The following ATF7IP2 variants were observed in gnomAD, a reference collection of about 807,000 sequenced individuals.
The protein encoded by ATF7IP2 is activating transcription factor 7-interacting protein 2.
Under a neutral mutation model 64.2 loss-of-function variants are expected in ATF7IP2, and 42 were observed. The observed-to-expected ratio is 0.65, with a 90% confidence interval of 0.51 to 0.85. The LOEUF (loss-of-function observed/expected upper bound fraction) is 0.85, where lower values mean the gene tolerates loss of function less well. Ranked by LOEUF, ATF7IP2 falls within the 40% of genes least tolerant of loss-of-function variation. The pLI is 0.00. For missense variants in ATF7IP2, 933 were observed against 784.2 expected (o/e 1.19, Z -2.27); for synonymous variants, 308 against 272.8 (o/e 1.13, Z -1.27).
At chr16:10,427,485 A>T (rs950863867) in intron 3 of ATF7IP2, among the ~76,000 whole-genome samples, 2 of 152,202 alleles carry the variant, frequency 1.3e-5, no homozygotes, top group African/African-American at 4.8e-5. Context: ...TTGAACATGG[A>T]TACCTTTTCA....
chr16:10,455,154 T>C (rs1422499238), intron 8 of ATF7IP2, among the ~76,000 whole-genome samples: 1 of 152,202 alleles, frequency 6.6e-6, no homozygotes, highest in Non-Finnish European at 1.5e-5. Flanking sequence ...TTCCCAGAAC[T>C]TGTGAATATG....
intron 1 of ATF7IP2, among the ~76,000 whole-genome samples, chr16:10,394,503 T>C (rs1040334264): frequency 6.6e-6 from 1 of 152,182 alleles, no homozygotes; most frequent in African/African-American, 2.4e-5. Flanking sequence ...AAGAGACGAC[T>C]TGAGCAACAC....
intron 9 of ATF7IP2, among the ~76,000 whole-genome samples, chr16:10,459,482 AAAAAAAAAT>A (rs1032893551): frequency 3.3e-5 from 5 of 151,214 alleles, no homozygotes; most frequent in African/African-American, 1.2e-4. Context: ...AGAAAAAAAA[AAAAAAAAAT>A]ACAAAATTAG....
At chr16:10,435,064 A>G (rs751736421) in intron 6 of ATF7IP2, among the ~76,000 whole-genome samples, 8 of 152,162 alleles carry the variant, frequency 5.3e-5, no homozygotes, top group South Asian at 2.1e-4. Context: ...CACCGCGCCC[A>G]GCCAGAAGTA....
rs142115908 is a variant in ATF7IP2, at chr16:10,456,776, T to C, written c.1195-596T>C. On this transcript the variant is annotated intron_variant, in intron 8 of 13. Coordinates refer to ENST00000562102, the MANE Select transcript of ATF7IP2 (RefSeq NM_001393719.1). ...GCCCCCTAATCCTACCAGTATGGAA[T>C]TGGGGGGTTAGCCACCACTGCTACA... Among the ~76,000 whole-genome samples, 642 of 152,236 alleles carry C rather than the reference T, an allele frequency of 4.2e-3. 7 individuals carry two copies. Among genetic ancestry groups the C allele is most frequent in the African/African-American group, 0.014 (594 of 41,542 alleles).
chr16:10,405,495 T>G (rs2047619299), intron 1 of ATF7IP2, among the ~76,000 whole-genome samples: 1 of 152,252 alleles, frequency 6.6e-6, no homozygotes, highest in African/African-American at 2.4e-5. Flanking sequence ...TTTGCAGACC[T>G]TGGTCAGAGT....
rs201158427 is a variant in ATF7IP2, at chr16:10,479,958, CTTTTTTTTTTTTTTTTTTTTTTTTTT to C, written c.1550-903_1550-878del. ...TCTCAGTGATTTAGAACTGGAAATA[CTTTTTTTTTTTTTTTTTTTTTTTTTT>C]TTTTTTTTTTTTTTTTTGAGACAGT... On this transcript the variant is annotated intron_variant, in intron 12 of 13. Transcript: ENST00000562102. 5.1e-3 allele frequency among the ~76,000 whole-genome samples: 411 copies of C among 80,594 alleles called. 4 individuals are homozygous for C. The highest frequency in any genetic ancestry group is 8.7e-3 in the African/African-American group (197 of 22,674). 52.9% of individuals were successfully genotyped at this position (80,594 alleles called of 152,430 possible).
At chr16:10,413,838 T>C (rs1479899318) in intron 1 of ATF7IP2, among the ~76,000 whole-genome samples, 1 of 152,226 alleles carries the variant, frequency 6.6e-6, no homozygotes, top group Non-Finnish European at 1.5e-5. Context: ...AATTGTTTTG[T>C]TAAGCAGGCT....
intron 9 of ATF7IP2, among the ~76,000 whole-genome samples, chr16:10,462,863 C>T (rs2049421237): frequency 6.6e-6 from 1 of 152,148 alleles, no homozygotes; most frequent in Non-Finnish European, 1.5e-5. Flanking sequence ...CTGTTTTGCT[C>T]TAGATACTTT....
intron 13 of ATF7IP2, among the ~76,000 whole-genome samples, chr16:10,481,616 C>T (rs1021241374): frequency 2.6e-5 from 4 of 152,166 alleles, no homozygotes; most frequent in Non-Finnish European, 5.9e-5. Flanking sequence ...ATTTATCCCA[C>T]ATGTCTGGAA....
chr16:10,445,435 C>A (rs531432362), intron 8 of ATF7IP2: 1 of 152,166 alleles, frequency 6.6e-6, no homozygotes, highest in Non-Finnish European at 1.5e-5. Flanking sequence ...CCTTGACTTT[C>A]AAAAGAAAGG....
intron 7 of ATF7IP2, among the ~76,000 whole-genome samples, chr16:10,438,851 G>A (rs1359979603): frequency 2.0e-5 from 3 of 152,036 alleles, no homozygotes; most frequent in Admixed American, 6.5e-5. Flanking sequence ...TCAAGAGATC[G>A]AGACCGTCCT....
At position 10,473,844 on chromosome 16, in the gene ATF7IP2, T is replaced by C. The variant is rs182368428; in HGVS notation, c.1483-79T>C. On this transcript the variant is annotated intron_variant, in intron 11 of 13. Transcript: ENST00000562102. The stretch of plus-strand genomic sequence containing the variant: ...GTGATTTAAAATTACCATTTAAAAT[T>C]ACCAAATGGTTTTAAATTTTTAAAA... 449 of 917,856 alleles carry C rather than the reference T, an allele frequency of 4.9e-4. 3 individuals carry two copies. The African/African-American group carries it at 7.1e-3, about 15-fold the overall frequency. 56.9% of individuals were successfully genotyped at this position (917,856 alleles called of 1,614,324 possible).
intron 6 of ATF7IP2, among the ~76,000 whole-genome samples, chr16:10,436,348 C>A (rs916869429): frequency 6.6e-6 from 1 of 151,348 alleles, no homozygotes; most frequent in African/African-American, 2.4e-5. Context: ...AGCAACAGAG[C>A]GAGACTCTGT....
intron 3 of ATF7IP2, among the ~76,000 whole-genome samples, chr16:10,422,575 G>A (rs773209043): frequency 3.0e-4 from 45 of 152,304 alleles, no homozygotes; most frequent in Admixed American, 1.3e-3. Flanking sequence ...GGGGCTTTAC[G>A]AACTTCAGCT....
At position 10,482,482 on chromosome 16, in the gene ATF7IP2, G is replaced by C. The variant is rs567138279; in HGVS notation, c.*233G>C. On this transcript the variant is annotated 3_prime_UTR_variant, in exon 14 of 14. Coordinates refer to ENST00000562102, the MANE Select transcript of ATF7IP2 (RefSeq NM_001393719.1). ...ACATACGCTATCATTGGCCCATGTT[G>C]CTGAGGTGCATTGTGAACAATACCT... 9 of 367,198 alleles carry C rather than the reference G, an allele frequency of 2.5e-5. No homozygotes were observed. In the South Asian group the frequency reaches 3.6e-4, roughly 15 times the overall value. 22.7% of individuals were successfully genotyped at this position (367,198 alleles called of 1,614,324 possible).
At chr16:10,469,140 A>G (rs1448001782) in intron 9 of ATF7IP2, among the ~76,000 whole-genome samples, 1 of 152,234 alleles carries the variant, frequency 6.6e-6, no homozygotes, top group African/African-American at 2.4e-5. Context: ...ATAGCAAAAA[A>G]TATGACCTAT....
chr16:10,447,971 G>T (rs921970042), intron 8 of ATF7IP2: 5 of 152,212 alleles, frequency 3.3e-5, no homozygotes, highest in Admixed American at 3.3e-4. Context: ...AAGGGGTCCA[G>T]TTGCAGTTTT....
intron 8 of ATF7IP2, among the ~76,000 whole-genome samples, chr16:10,452,969 T>C (rs2049036358): frequency 6.6e-6 from 1 of 152,130 alleles, no homozygotes; most frequent in East Asian, 1.9e-4. Flanking sequence ...AACCTCAGAC[T>C]GCTGTGCTGG....
Sources: gnomAD v4.1 joint callset for allele counts (sites outside exome capture counted in the v4.1 genomes callset) on GRCh38, gnomAD v4.1.1 for gene constraint, MANE v1.5 for transcripts, NCBI Gene and HGNC (gene_info 2026-07-23, HGNC 2026-07-21) for gene names.